Variants in XAB2 observed in about 807,000 individuals in gnomAD.
XAB2 encodes pre-mRNA-splicing factor SYF1.
In XAB2, 57 loss-of-function variants were observed where a neutral mutation model predicts 113.4. That is an observed-to-expected ratio of 0.50 (90% CI 0.41 to 0.63). The LOEUF (loss-of-function observed/expected upper bound fraction) is 0.63. Among genes scored for constraint, XAB2 ranks in the 20% least tolerant of loss-of-function variants. The pLI is 0.00. For synonymous variants in XAB2, 497 were observed against 498.8 expected, an observed-to-expected ratio of 1.00 and a Z score of 0.05; for missense variants, 1,037 against 1,233.3, an observed-to-expected ratio of 0.84 and a Z score of 2.38.
chr19:7,628,446 G>C lies in XAB2; in HGVS notation c.52-148C>G, dbSNP rs2031189456. 1.1e-6 allele frequency: 1 copy of C among 944,024 alleles called. No individual in the cohort carries two copies. The highest frequency in any genetic ancestry group is 1.6e-6 in the Non-Finnish European group (1 of 637,362). 58.5% of individuals were successfully genotyped at this position (944,024 alleles called of 1,614,324 possible). ...GGAAGTCAGGTCACCAGATGCCCAG[G>C]CACCAAACCAGATGCCCGACACCAA... On this transcript the variant is annotated intron_variant, in intron 1 of 18. Transcript: ENST00000358368. The surrounding 1 kb of genome is among the most constrained non-coding windows in gnomAD (Gnocchi z 4.6).
Position 7,627,823 on chromosome 19 carries a change from C to T in XAB2, c.229G>A (p.Ala77Thr), listed in dbSNP as rs755270999. 1.7e-5 allele frequency: 28 copies of T among 1,613,876 alleles called. No homozygotes were observed. The East Asian group carries it at 5.8e-4, about 33-fold the overall frequency. Residue 77 changes from alanine (A) to threonine (T), a missense_variant, in exon 3 of 19, where the codon GCG becomes ACG. Physicochemically the swap from Ala to Thr is moderately conservative, Grantham distance 58. Transcript: ENST00000358368. This position sits in a 1 kb window ranked among gnomAD's most constrained non-coding sequence, Gnocchi z 4.5. Reference protein sequence around the residue: ...SYKLWYRYLKARRAQVKHRCV... With the variant: ...SYKLWYRYLKTRRAQVKHRCV... Reference sequence around the variant, plus strand: ...CGATGCTTCACCTGTGCCCGACGCGCCTTCAGGTATCGGTACCAGAGTTTG... The same window carrying T: ...CGATGCTTCACCTGTGCCCGACGCGTCTTCAGGTATCGGTACCAGAGTTTG...
At chr19:7,629,444 C>A (rs1246389337) in intron 1 of XAB2, 33 bp downstream of exon 1, 1 of 1,575,920 alleles carries the variant, frequency 6.3e-7, no homozygotes. Flanking sequence ...AATGCCCCAA[C>A]GCAGGCCACC....
At position 7,629,490 on chromosome 19, in the gene XAB2, G is replaced by C. The variant is rs927168782; in HGVS notation, c.38C>G (p.Pro13Arg). The change falls in exon 1 of 19, where the codon CCG (proline) becomes CGG (arginine). Residue 13 changes from proline to arginine, a missense_variant. Transcript: ENST00000358368. ...VMARLSRPER[P>R]DLVFEEEDLP... Reference sequence around the variant, plus strand: ...CTGTGGACTCACGAAGACAAGGTCCGGCCGCTCGGGCCGCGAGAGTCGCGC... The same window carrying C: ...CTGTGGACTCACGAAGACAAGGTCCCGCCGCTCGGGCCGCGAGAGTCGCGC... The C allele has an allele frequency of 1.2e-6, 2 of 1,602,324 alleles. No individual in the cohort carries two copies. The highest frequency in any genetic ancestry group is 1.3e-5 in the African/African-American group (1 of 74,858).
In XAB2 at chr19:7,623,240, G is replaced by T. The variant is rs781463017; in HGVS notation, c.1169C>A (p.Ala390Asp). Reference protein sequence around the residue: ...EAVQTVDPFKATGKPHTLWVA... With the variant: ...EAVQTVDPFKDTGKPHTLWVA... ...CCACAGAGTGTGGGGCTTGCCTGTG[G>T]CCTTGAAGGGGTCCACCGTCTGCAC... is the stretch of plus-strand genomic sequence containing the variant. The change falls in exon 9 of 19, where the codon GCC (alanine) becomes GAC (aspartate). Residue 390 changes from alanine to aspartate, a missense_variant. Transcript: ENST00000358368. This position sits in a 1 kb window ranked among gnomAD's most constrained non-coding sequence, Gnocchi z 4.6. 1.2e-6 allele frequency: 2 copies of T among 1,613,716 alleles called. No homozygotes were observed. The highest frequency in any genetic ancestry group is 2.7e-5 in the African/African-American group (2 of 74,948).
intron 1 of XAB2, among the ~76,000 whole-genome samples, chr19:7,629,140 T>G (rs1410193214): frequency 6.6e-6 from 1 of 152,124 alleles, no homozygotes. Flanking sequence ...AAGCAAGCCT[T>G]TACTTCAGAC....
Position 7,628,155 on chromosome 19 carries a change from G to A in XAB2, c.195C>T (p.Pro65=). The part of the protein sequence containing the change: ...QLYERALKLL[P]CSYKLWYRYL... ...GCAGCTGGAGCCATTCCCACCTGCA[G>A]GGCAGCAGCTTGAGTGCCCGCTCGT... The change falls in exon 2 of 19, where the codon CCC becomes CCT. Residue 65 remains proline (P), a synonymous_variant. Coordinates refer to ENST00000358368, the MANE Select transcript of XAB2 (RefSeq NM_020196.3). This position sits in a 1 kb window ranked among gnomAD's most constrained non-coding sequence, Gnocchi z 4.6. 2 of 1,612,476 alleles carry A rather than the reference G, an allele frequency of 1.2e-6. No individual in the cohort carries two copies. The highest frequency in any genetic ancestry group is 1.7e-6 in the Non-Finnish European group (2 of 1,179,370).
At position 7,622,676 on chromosome 19, in the gene XAB2, A is replaced by G. The variant is rs2031059919; in HGVS notation, c.1372-15T>C. ...GCCGTGGCCTTCTGCAGGGGCAGAC[A>G]GTGGCCGGGGAGGCGCTCAGGGGCT... On this transcript the variant is annotated splice_polypyrimidine_tract_variant and intron_variant, in intron 10 of 18. Transcript: ENST00000358368. The G allele has an allele frequency of 1.9e-6, 3 of 1,612,120 alleles. No homozygotes were observed. In the South Asian group the frequency reaches 3.3e-5, roughly 18 times the overall value.
rs754777534 is a variant in XAB2 at position 7,625,841 on chromosome 19, C to A, written c.822+39G>T. The A allele has an allele frequency of 1.3e-6, 2 of 1,564,872 alleles. No homozygotes were observed. The highest frequency in any genetic ancestry group is 2.4e-5 in the South Asian group (2 of 84,342). On this transcript the variant is annotated intron_variant, in intron 6 of 18. Transcript: ENST00000358368. The surrounding 1 kb of genome is among the most constrained non-coding windows in gnomAD (Gnocchi z 5.2). ...TGTGTCCCCGAGTGTCGGAGGGAGA[C>A]CCCGCCCCGAACCCAGAGCCCCGTG...
intron 16 of XAB2, 21 bp from the exon 17 acceptor site, chr19:7,620,096 G>A (rs1317602100): frequency 6.2e-7 from 1 of 1,608,170 alleles, no homozygotes; most frequent in Non-Finnish European, 8.5e-7. Context: ...GGAGCAGGGG[G>A]TCAGCGCCAC....
intron 1 of XAB2, among the ~76,000 whole-genome samples, chr19:7,629,212 C>T (rs1002667430): frequency 6.6e-6 from 1 of 152,348 alleles, no homozygotes; most frequent in Non-Finnish European, 1.5e-5. Flanking sequence ...TCCCTGCACG[C>T]CCCCATTTCC....
chr19:7,621,827 C>G (rs2031040557), intron 12 of XAB2: 1 of 190,804 alleles, frequency 5.2e-6, no homozygotes, highest in Non-Finnish European at 1.1e-5. Context: ...CCCGCACACA[C>G]TGGCACCAAC....
chr19:7,621,095 G>GGGCCCCCCCCCCCCC, intron 13 of XAB2, 40 bp downstream of exon 13: 1 of 1,486,308 alleles, frequency 6.7e-7, no homozygotes, highest in Non-Finnish European at 9.0e-7. Context: ...CAGAAACCCA[G>GGGCCCCCCCCCCCCC]CCCGCCCGCC....
At chr19:7,621,353 C>T (rs1295782082) in intron 12 of XAB2, 56 bp from the exon 13 acceptor site, 7 of 1,589,640 alleles carry the variant, frequency 4.4e-6, no homozygotes, top group Non-Finnish European at 6.0e-6. Context: ...CCACCAGGCA[C>T]CCGGGATGTC....
chr19:7,627,631 C>T lies in XAB2; in HGVS notation c.324+97G>A. 4 of 1,566,390 alleles carry T rather than the reference C, an allele frequency of 2.6e-6. 1 individual carries two copies. Among genetic ancestry groups the T allele is most frequent in the Middle Eastern group, 4.6e-4 (2 of 4,346 alleles). ...AAGAAGCAACAGGAATCCAAGCCCC[C>T]ATCCCTAACATGCTGAGCCCAGCCC... On this transcript the variant is annotated intron_variant, in intron 3 of 18. Coordinates refer to ENST00000358368, the MANE Select transcript of XAB2 (RefSeq NM_020196.3). This position sits in a 1 kb window ranked among gnomAD's most constrained non-coding sequence, Gnocchi z 4.5.
In XAB2 at chr19:7,621,002, C is replaced by T; in HGVS notation, c.1815G>A (p.Glu605=). 2 of 1,564,694 alleles carry T rather than the reference C, an allele frequency of 1.3e-6. No individual in the cohort carries two copies. The highest frequency in any genetic ancestry group is 8.6e-7 in the Non-Finnish European group (1 of 1,156,272). ...CCATGGCATGCCGGGCCAGGCCCCA[C>T]TCCTCCTCCAGCTGTGCGTACAGCA... ...LYLLYAQLEE[E]WGLARHAMAV... Residue 605 remains glutamate (E), a synonymous_variant, in exon 14 of 19, where the codon GAG becomes GAA. Coordinates refer to ENST00000358368, the MANE Select transcript of XAB2 (RefSeq NM_020196.3).
In XAB2 at chr19:7,623,471, C is replaced by A. The variant is rs1362219940; in HGVS notation, c.1120-182G>T. Among the ~76,000 whole-genome samples, 1 of 149,890 alleles carries A rather than the reference C, an allele frequency of 6.7e-6. No homozygotes were observed. The highest frequency in any genetic ancestry group is 1.5e-5 in the Non-Finnish European group (1 of 67,470). On this transcript the variant is annotated intron_variant, in intron 8 of 18. Transcript: ENST00000358368. The surrounding 1 kb of genome is among the most constrained non-coding windows in gnomAD (Gnocchi z 4.6). The stretch of plus-strand genomic sequence containing the variant: ...AAGAGAGAGCTGTGGCCCTAAGGGG[C>A]GGGGCCAGGAGAGAGCTGTGACCCT...
rs2031074928 is a variant in XAB2, at chr19:7,623,309, G to A, written c.1120-20C>T. 1.9e-6 allele frequency: 3 copies of A among 1,612,620 alleles called. No individual in the cohort carries two copies. The highest frequency in any genetic ancestry group is 1.1e-5 in the South Asian group (1 of 91,078). ...GATGATCTGGGGACAGGAGGGAGGA[G>A]GTCATATAGGACTCAGGACCCTGCA... On this transcript the variant is annotated intron_variant, in intron 8 of 18. Transcript: ENST00000358368. The surrounding 1 kb of genome is among the most constrained non-coding windows in gnomAD (Gnocchi z 4.6).
In XAB2 at chr19:7,620,995, G is replaced by T; in HGVS notation, c.1822C>A (p.Leu608Met). The change falls in exon 14 of 19, where the codon CTG (leucine) becomes ATG (methionine). Residue 608 changes from leucine to methionine, a missense_variant. By Grantham distance (15) the Leu-to-Met change is conservative. Coordinates refer to ENST00000358368, the MANE Select transcript of XAB2 (RefSeq NM_020196.3). ...TACACGGCCATGGCATGCCGGGCCA[G>T]GCCCCACTCCTCCTCCAGCTGTGCG... ...LYAQLEEEWG[L>M]ARHAMAVYER... 6.4e-7 allele frequency: 1 copy of T among 1,566,720 alleles called. No individual in the cohort carries two copies. The highest frequency in any genetic ancestry group is 8.6e-7 in the Non-Finnish European group (1 of 1,157,272).
rs773587070 is a variant in XAB2, at chr19:7,620,446, T to C, written c.2095A>G (p.Thr699Ala). Residue 699 changes from threonine to alanine, a missense_variant and splice_region_variant, in exon 16 of 19, where the codon ACG becomes GCG. By Grantham distance (58) the Thr-to-Ala change is moderately conservative. Transcript: ENST00000358368. ...CACGTCTGCCAGAACGCGCCGGTCG[T>C]CTGCGTGGGGGGCAGGGCAGGGGTG... Reference protein sequence around the residue: ...SFCSQICDPRTTGAFWQTWKD... With the variant: ...SFCSQICDPRATGAFWQTWKD... 1.2e-6 allele frequency: 2 copies of C among 1,608,736 alleles called. No homozygotes were observed. Among genetic ancestry groups the C allele is most frequent in the Admixed American group, 1.7e-5 (1 of 59,954 alleles).
Sources: gnomAD v4.1 joint callset for allele counts (sites outside exome capture counted in the v4.1 genomes callset) on GRCh38, gnomAD v4.1.1 for gene constraint, Gnocchi (gnomAD v3.1) non-coding constraint, MANE v1.5 for transcripts, NCBI Gene and HGNC (gene_info 2026-07-23, HGNC 2026-07-21) for gene names.